Variants in EPB41L4A observed in about 807,000 individuals in gnomAD.
EPB41L4A encodes the protein band 4.1-like protein 4A.
Under a neutral mutation model 108.6 loss-of-function variants are expected in EPB41L4A, and 100 were observed. The observed-to-expected ratio is 0.92, with a 90% CI of 0.78 to 1.09. EPB41L4A has a LOEUF of 1.09. Ranked by LOEUF, EPB41L4A falls within the 50% of genes least tolerant of loss-of-function variation. The pLI, the probability that EPB41L4A is intolerant of heterozygous loss-of-function variation, is 0.00. For synonymous variants in EPB41L4A, 319 were observed against 289.0 expected, an observed-to-expected ratio of 1.10 and a Z score of -1.05; for missense variants, 1,030 against 842.7, an observed-to-expected ratio of 1.22 and a Z score of -2.75.
intron 1 of EPB41L4A, among the ~76,000 whole-genome samples, chr5:112,310,118 T>C (rs1431701972): frequency 6.6e-6 from 1 of 152,218 alleles, no homozygotes; most frequent in Non-Finnish European, 1.5e-5. Flanking sequence ...AAATAATAAA[T>C]GACTGTATGT....
intron 11 of EPB41L4A, among the ~76,000 whole-genome samples, chr5:112,236,045 C>T (rs1175756776): frequency 6.6e-6 from 1 of 152,144 alleles, no homozygotes; most frequent in Non-Finnish European, 1.5e-5. Flanking sequence ...AGACTATTAA[C>T]AGAAAGACCT....
At chr5:112,194,449 G>A (rs1257773610) in intron 17 of EPB41L4A, 119 bp downstream of exon 17, 2 of 574,064 alleles carry the variant, frequency 3.5e-6, no homozygotes, top group Non-Finnish European at 6.0e-6. Flanking sequence ...TCAAAATAGT[G>A]CCAGATTGCT....
chr5:112,192,360 T>C (rs1269316556), intron 17 of EPB41L4A: 2 of 152,352 alleles, frequency 1.3e-5, no homozygotes, highest in Admixed American at 6.5e-5. Context: ...CTTTTTGCTA[T>C]GCTACTGACA....
chr5:112,278,699 A>AT (rs1752765300), intron 3 of EPB41L4A, among the ~76,000 whole-genome samples: 1 of 152,040 alleles, frequency 6.6e-6, no homozygotes, highest in South Asian at 2.1e-4. Flanking sequence ...AATAATTAAC[A>AT]TTTTTTCATC....
intron 12 of EPB41L4A, chr5:112,228,728 C>T: frequency 1.0e-6 from 1 of 985,432 alleles, no homozygotes; most frequent in Non-Finnish European, 1.2e-6. Context: ...AAGAACTTGT[C>T]AGAGAGAGGG....
intron 2 of EPB41L4A, among the ~76,000 whole-genome samples, chr5:112,290,046 T>C (rs1004133555): frequency 2.6e-5 from 4 of 152,322 alleles, no homozygotes; most frequent in African/African-American, 7.2e-5. Flanking sequence ...AGATGTTCTA[T>C]GCCCTGGAAC....
At chr5:112,314,496 C>A (rs191033805) in intron 1 of EPB41L4A, among the ~76,000 whole-genome samples, 1,503 of 109,964 alleles carry the variant, frequency 0.014, 38 homozygotes, top group South Asian at 0.06. Context: ...TGTGAAACCC[C>A]ATCGCTACTA....
chr5:112,210,516 T>C (rs1353137505), intron 12 of EPB41L4A, among the ~76,000 whole-genome samples: 1 of 152,362 alleles, frequency 6.6e-6, no homozygotes, highest in Admixed American at 6.5e-5. Flanking sequence ...TCAAATGTGT[T>C]CTTCATGCAA....
intron 18 of EPB41L4A, among the ~76,000 whole-genome samples, chr5:112,171,887 A>C (rs1486492663): frequency 6.6e-6 from 1 of 152,196 alleles, no homozygotes; most frequent in Non-Finnish European, 1.5e-5. Context: ...GATCCTATGG[A>C]ATTGTATGTG....
exon 13 of EPB41L4A, chr5:112,145,918 A>T (rs1561426021): frequency 2.2e-6 from 1 of 456,826 alleles, no homozygotes; most frequent in Admixed American, 2.3e-5. Context: ...GAAGTGTATT[A>T]TGAGAGACCT....
chr5:112,144,842 C>G (rs1759190882), intron 13 of EPB41L4A, among the ~76,000 whole-genome samples: 2 of 152,082 alleles, frequency 1.3e-5, no homozygotes, highest in Admixed American at 1.3e-4. Context: ...TAATCTTGTG[C>G]CCATGCCCCA....
At chr5:112,409,907 G>A (rs1210284701) in intron 1 of EPB41L4A, among the ~76,000 whole-genome samples, 3 of 152,154 alleles carry the variant, frequency 2.0e-5, no homozygotes, top group Admixed American at 6.6e-5. Context: ...AGGGAGACTC[G>A]AAGCCAGATT....
At chr5:112,361,060 C>T (rs1242583431) in intron 1 of EPB41L4A, among the ~76,000 whole-genome samples, 3 of 152,046 alleles carry the variant, frequency 2.0e-5, no homozygotes, top group East Asian at 1.9e-4. Flanking sequence ...ATGACGATGG[C>T]GGTTTTGTCA....
intron 1 of EPB41L4A, among the ~76,000 whole-genome samples, chr5:112,339,511 GATATATAGATATATATCTA>G (rs1757154374): frequency 9.1e-5 from 5 of 55,194 alleles, no homozygotes; most frequent in African/African-American, 2.7e-4. Flanking sequence ...TATATATATA[GATATATAGATATATATCTA>G]TATATATATA....
chr5:112,240,410 C>T (rs1445106104), intron 10 of EPB41L4A, among the ~76,000 whole-genome samples: 1 of 152,196 alleles, frequency 6.6e-6, no homozygotes, highest in African/African-American at 2.4e-5. Context: ...ACTCCATTTC[C>T]ACCAATACTA....
intron 7 of EPB41L4A, among the ~76,000 whole-genome samples, chr5:112,260,912 A>C (rs936489386): frequency 6.6e-6 from 1 of 152,248 alleles, no homozygotes; most frequent in African/African-American, 2.4e-5. Context: ...GAATGCACTG[A>C]AGAGTCTAAT....
intron 18 of EPB41L4A, among the ~76,000 whole-genome samples, chr5:112,182,107 G>A (rs1475011082): frequency 6.6e-6 from 1 of 151,946 alleles, no homozygotes; most frequent in Non-Finnish European, 1.5e-5. Context: ...TTGTGGGGGT[G>A]GGCACTGACT....
chr5:112,318,020 A>G (rs1243042989), intron 1 of EPB41L4A, among the ~76,000 whole-genome samples: 2 of 152,190 alleles, frequency 1.3e-5, no homozygotes, highest in African/African-American at 4.8e-5. Flanking sequence ...AAAATAGGCA[A>G]TTCTGATTCT....
chr5:112,323,678 C>T (rs1446652116), intron 1 of EPB41L4A, among the ~76,000 whole-genome samples: 1 of 152,214 alleles, frequency 6.6e-6, no homozygotes. Context: ...AATTCCCCAT[C>T]TTTGCCCTCC....
Sources: gnomAD v4.1 joint callset for allele counts (sites outside exome capture counted in the v4.1 genomes callset) on GRCh38, gnomAD v4.1.1 for gene constraint, MANE v1.5 for transcripts, NCBI Gene and HGNC (gene_info 2026-07-23, HGNC 2026-07-21) for gene names.